Variants in MARCHF1 observed in about 807,000 individuals in gnomAD.
The protein encoded by MARCHF1 is membrane associated ring-CH-type finger 1.
A neutral mutation model predicts 54.2 loss-of-function variants in MARCHF1; 40 were observed. The observed-to-expected ratio is 0.74, with a 90% CI of 0.57 to 0.96. The LOEUF (loss-of-function observed/expected upper bound fraction) is 0.96. Ranked by LOEUF, MARCHF1 falls within the 40% of genes least tolerant of loss-of-function variation. The pLI is 0.00. For missense variants in MARCHF1, 586 were observed against 656.5 expected, an observed-to-expected ratio of 0.89 and a Z score of 1.17; for synonymous variants, 236 against 236.3, an observed-to-expected ratio of 1.00 and a Z score of 0.01.
intron 2 of MARCHF1, among the ~76,000 whole-genome samples, chr4:164,095,582 T>C (rs911669209): frequency 3.3e-5 from 5 of 152,250 alleles, no homozygotes; most frequent in East Asian, 1.9e-4. Flanking sequence ...TACTATAACA[T>C]AATACAATTA....
chr4:163,793,455 A>G (rs953876204), intron 4 of MARCHF1, among the ~76,000 whole-genome samples: 7 of 152,174 alleles, frequency 4.6e-5, no homozygotes, highest in African/African-American at 1.7e-4. Context: ...CCCTTGAAAC[A>G]CTAATCAGGA....
intron 1 of MARCHF1, among the ~76,000 whole-genome samples, chr4:164,350,530 A>C (rs557167464): frequency 6.6e-6 from 1 of 152,210 alleles, no homozygotes; most frequent in Non-Finnish European, 1.5e-5. Context: ...AAGAAATAAT[A>C]AATGTTTGAG....
intron 4 of MARCHF1, among the ~76,000 whole-genome samples, chr4:163,745,404 T>C (rs1025428505): frequency 4.0e-5 from 6 of 151,754 alleles, no homozygotes; most frequent in Non-Finnish European, 8.8e-5. Context: ...TGAGCCACCA[T>C]GCCCAGCCAC....
At chr4:164,345,790 T>G (rs1042150637) in intron 1 of MARCHF1, among the ~76,000 whole-genome samples, 2 of 151,992 alleles carry the variant, frequency 1.3e-5, no homozygotes, top group Non-Finnish European at 2.9e-5. Context: ...TGCTGGTTTT[T>G]TGTTTTCAAA....
chr4:163,932,926 A>G, intron 3 of MARCHF1: 1 of 650,378 alleles, frequency 1.5e-6, no homozygotes, highest in African/African-American at 1.8e-5. Context: ...TGTGGTAATG[A>G]TCAAAAACAA....
chr4:163,964,317 TAAC>T (rs752061431), intron 3 of MARCHF1, among the ~76,000 whole-genome samples: 2 of 152,146 alleles, frequency 1.3e-5, no homozygotes, highest in African/African-American at 4.8e-5. Flanking sequence ...TATTTAGTGA[TAAC>T]AATGATGATG....
At chr4:164,262,791 A>G (rs1733503190) in intron 1 of MARCHF1, among the ~76,000 whole-genome samples, 1 of 152,166 alleles carries the variant, frequency 6.6e-6, no homozygotes, top group Admixed American at 6.6e-5. Flanking sequence ...ATTGACACCA[A>G]AGGGTTTGTC....
intron 2 of MARCHF1, among the ~76,000 whole-genome samples, chr4:164,022,717 G>A (rs1194885249): frequency 1.3e-5 from 2 of 152,200 alleles, no homozygotes; most frequent in Non-Finnish European, 2.9e-5. Context: ...ATGCCCCAAG[G>A]TTCCCCATCT....
intron 5 of MARCHF1, among the ~76,000 whole-genome samples, chr4:163,619,398 T>C (rs1206540766): frequency 3.9e-5 from 6 of 152,062 alleles, no homozygotes; most frequent in African/African-American, 1.4e-4. Context: ...TAAGATATGG[T>C]AAAAATAATT....
At position 164,241,720 on chromosome 4, in the gene MARCHF1, T is replaced by C. The variant is rs960146222; in HGVS notation, c.-322-130058A>G. Among the ~76,000 whole-genome samples the C allele has an allele frequency of 7.2e-5, 11 of 152,092 alleles. No individual in the cohort carries two copies. The East Asian group carries it at 2.1e-3, about 30-fold the overall frequency. ...CTGCATTTCCATCTGAGGTACCGGG[T>C]TCATCTCCCTAGGGAGTGCCAGACA... On this transcript the variant is annotated intron_variant, in intron 1 of 9. Transcript: ENST00000514618.
At chr4:163,721,022 C>T (rs1275495975) in intron 4 of MARCHF1, among the ~76,000 whole-genome samples, 1 of 152,148 alleles carries the variant, frequency 6.6e-6, no homozygotes, top group African/African-American at 2.4e-5. Flanking sequence ...CCTTTTATTT[C>T]TTTCTCCTAC....
At chr4:164,182,263 A>G (rs1034087911) in intron 1 of MARCHF1, among the ~76,000 whole-genome samples, 1 of 152,000 alleles carries the variant, frequency 6.6e-6, no homozygotes, top group Non-Finnish European at 1.5e-5. Flanking sequence ...AGATAGAATA[A>G]TTTAGAAAAG....
intron 4 of MARCHF1, among the ~76,000 whole-genome samples, chr4:163,714,469 C>T (rs1745200410): frequency 6.6e-6 from 1 of 152,196 alleles, no homozygotes; most frequent in Non-Finnish European, 1.5e-5. Context: ...ACCACCATTA[C>T]TTAATAAACT....
intron 3 of MARCHF1, among the ~76,000 whole-genome samples, chr4:163,885,959 G>A (rs1750521278): frequency 6.8e-6 from 1 of 146,630 alleles, no homozygotes; most frequent in East Asian, 2.0e-4. Context: ...ATATATTTAT[G>A]TATCTATCTC....
chr4:163,927,911 T>C (rs533342865), intron 3 of MARCHF1, among the ~76,000 whole-genome samples: 1 of 152,034 alleles, frequency 6.6e-6, no homozygotes, highest in South Asian at 2.1e-4. Flanking sequence ...TTAAAATTTT[T>C]TCTCTCTTCC....
At chr4:164,095,895 G>T (rs112150142) in intron 2 of MARCHF1, among the ~76,000 whole-genome samples, 2 of 151,942 alleles carry the variant, frequency 1.3e-5, no homozygotes, top group Non-Finnish European at 2.9e-5. Flanking sequence ...GAATAGCTAC[G>T]ATTAAGAAGT....
intron 4 of MARCHF1, among the ~76,000 whole-genome samples, chr4:163,841,336 G>A (rs934771294): frequency 2.0e-5 from 3 of 152,046 alleles, no homozygotes; most frequent in Non-Finnish European, 4.4e-5. Context: ...CTTTGGGGAT[G>A]TTAACAGTTG....
intron 1 of MARCHF1, among the ~76,000 whole-genome samples, chr4:164,372,572 A>G (rs1210141157): frequency 1.3e-5 from 2 of 152,116 alleles, no homozygotes; most frequent in South Asian, 2.1e-4. Flanking sequence ...TTTTACAGCT[A>G]TAAACCATTG....
At chr4:163,536,457 C>CTGT (rs1330614049) in intron 9 of MARCHF1, among the ~76,000 whole-genome samples, 1 of 152,154 alleles carries the variant, frequency 6.6e-6, no homozygotes, top group East Asian at 1.9e-4. Context: ...AGTTTTCCCA[C>CTGT]TGTTACACTT....
Sources: allele counts gnomAD v4.1 joint callset (sites outside exome capture counted in the v4.1 genomes callset), GRCh38; gene constraint gnomAD v4.1.1; transcripts MANE v1.5; gene names NCBI Gene and HGNC (gene_info 2026-07-23, HGNC 2026-07-21).